The following NSMAF variants were observed in gnomAD, a reference collection of about 807,000 sequenced individuals.
NSMAF encodes the protein protein FAN.
Under a neutral mutation model 134.9 loss-of-function variants are expected in NSMAF, and 90 were observed. The ratio of observed to expected loss-of-function variants is 0.67; its 90% CI spans 0.56 to 0.79. The LOEUF (loss-of-function observed/expected upper bound fraction) is 0.79, where lower values mean the gene tolerates loss of function less well. Among genes scored for constraint, NSMAF ranks in the 30% least tolerant of loss-of-function variants. NSMAF has a pLI of 0.00. For synonymous variants in NSMAF, 358 were observed against 389.6 expected (o/e 0.92, Z 0.96); for missense variants, 1,010 against 1,119.0 (o/e 0.90, Z 1.39).
rs1409641022 is a variant in NSMAF at position 58,603,331 on chromosome 8, T to C, written c.924A>G (p.Gly308=). Residue 308 remains glycine, a synonymous_variant, in exon 13 of 31, where the codon GGA becomes GGG. Coordinates refer to ENST00000038176, the MANE Select transcript of NSMAF (RefSeq NM_003580.4). ...GGAGGTACTGATAGTTGGAAAGGTG[T>C]CCACGCTGCCACTGCAGCATGTAGC... ...AESYMLQWQR[G]HLSNYQYLLH... 6.2e-7 allele frequency: 1 copy of C among 1,614,150 alleles called. No homozygotes were observed.
chr8:58,611,417 G>T (rs537363214), intron 9 of NSMAF, among the ~76,000 whole-genome samples: 1 of 152,250 alleles, frequency 6.6e-6, no homozygotes, highest in East Asian at 1.9e-4. Context: ...GCATGTGCCT[G>T]TGGTCCCAGC....
chr8:58,637,406 G>A (rs1244856083), intron 2 of NSMAF: 2 of 456,136 alleles, frequency 4.4e-6, no homozygotes, highest in Admixed American at 4.7e-5. Context: ...AAAAGATAGA[G>A]GTAAGAAATA....
At chr8:58,631,106 T>C (rs144157766) in intron 6 of NSMAF, among the ~76,000 whole-genome samples, 90 of 152,378 alleles carry the variant, frequency 5.9e-4, no homozygotes, top group South Asian at 3.3e-3. Context: ...CAAATTATTA[T>C]TGAGTTCTCA....
chr8:58,592,098 A>G (rs1806034106), intron 23 of NSMAF, among the ~76,000 whole-genome samples: 1 of 152,198 alleles, frequency 6.6e-6, no homozygotes, highest in African/African-American at 2.4e-5. Context: ...GTATAATTAG[A>G]TCTGATAGTC....
intron 1 of NSMAF, chr8:58,659,314 G>T (rs1427113501): frequency 2.0e-6 from 3 of 1,526,684 alleles, no homozygotes; most frequent in Non-Finnish European, 2.6e-6. Context: ...GGCATGCCTC[G>T]GCTCCGCGGT....
In NSMAF at chr8:58,588,550, T is replaced by C. The variant is rs1805947097; in HGVS notation, c.2212-849A>G. 16 of 1,239,932 alleles carry C rather than the reference T, an allele frequency of 1.3e-5. 1 individual carries two copies. The South Asian group carries it at 1.8e-4, about 14-fold the overall frequency. 76.8% of individuals were successfully genotyped at this position (1,239,932 alleles called of 1,614,324 possible). ...GTGAATTGCACAACTCACACAGTAA[T>C]GTAGCTTCACATACAGCTTGGGAAG... On this transcript the variant is annotated intron_variant, in intron 26 of 30. Coordinates refer to ENST00000038176, the MANE Select transcript of NSMAF (RefSeq NM_003580.4).
Position 58,652,892 on chromosome 8 carries a change from G to T in NSMAF, c.59+6681C>A, listed in dbSNP as rs528524191. ...ACCCTGATCAGAGGAACTTCTAAAG[G>T]ATATTCTTCAGGAAAGAGAAAATAA... On this transcript the variant is annotated intron_variant, in intron 1 of 30. Coordinates refer to ENST00000038176, the MANE Select transcript of NSMAF (RefSeq NM_003580.4). Among the ~76,000 whole-genome samples the T allele has an allele frequency of 5.3e-5, 8 of 152,282 alleles. No homozygotes were observed. In the East Asian group the frequency reaches 1.5e-3, roughly 29 times the overall value.
chr8:58,659,741 C>G lies in NSMAF; in HGVS notation c.-110G>C. The G allele has an allele frequency of 1.2e-6, 1 of 862,950 alleles. No individual in the cohort carries two copies. Among genetic ancestry groups the G allele is most frequent in the Non-Finnish European group, 1.5e-6 (1 of 654,440 alleles). The allele number at this position is 862,950 out of a possible 1,614,324, so 53.5% of individuals were successfully genotyped here. On this transcript the variant is annotated 5_prime_UTR_variant, in exon 1 of 31. Coordinates refer to ENST00000038176, the MANE Select transcript of NSMAF (RefSeq NM_003580.4). ...GGGATTGGTGGCCGGCTGGGGAGCGCGCGGCTGCCGGCCTGGCTTCCCCTG... is the reference window on the plus strand; with the variant it reads ...GGGATTGGTGGCCGGCTGGGGAGCGGGCGGCTGCCGGCCTGGCTTCCCCTG...
rs1300966781 is a variant in NSMAF at position 58,635,480 on chromosome 8, C to T, written c.216G>A (p.Gln72=). The change falls in exon 3 of 31, where the codon CAG becomes CAA. Residue 72 remains glutamine, a synonymous_variant. Coordinates refer to ENST00000038176, the MANE Select transcript of NSMAF (RefSeq NM_003580.4). ...SVIFEPDSIS[Q]PIIKIPLRDC... ...AAAATGTATTTACCTTGATGATGGG[C>T]TGGGATATTGAATCTGGTTCAAAAA... 24 of 1,603,326 alleles carry T rather than the reference C, an allele frequency of 1.5e-5. No homozygotes were observed. The highest frequency in any genetic ancestry group is 1.9e-5 in the Non-Finnish European group (22 of 1,175,794).
chr8:58,633,355 A>C (rs946860996), intron 5 of NSMAF, among the ~76,000 whole-genome samples: 3 of 152,148 alleles, frequency 2.0e-5, no homozygotes, highest in African/African-American at 7.2e-5. Context: ...TGTTTGTGAT[A>C]ATTGCACAGC....
In NSMAF at chr8:58,601,560, A is replaced by AAAAG. The variant is rs57177969; in HGVS notation, c.1126-26_1126-25insCTTT. 2.3e-5 allele frequency: 36 copies of AAAAG among 1,575,230 alleles called. No homozygotes were observed. In the African/African-American group the frequency reaches 4.7e-4, roughly 21 times the overall value. ...TCTAGAATACAGAAAAAAAAAAAAA[A>AAAAG]TAGAGCTAAGTGTTGGCTATGAAAT... On this transcript the variant is annotated intron_variant, in intron 14 of 30. Transcript: ENST00000038176.
intron 21 of NSMAF, among the ~76,000 whole-genome samples, chr8:58,596,680 A>T (rs1227685658): frequency 6.6e-6 from 1 of 152,210 alleles, no homozygotes; most frequent in East Asian, 1.9e-4. Flanking sequence ...CTGTAATCCC[A>T]GCACTTTGGG....
rs16923600 is a variant in NSMAF at position 58,601,626 on chromosome 8, A to C, written c.1126-91T>G. 2,351 of 1,450,928 alleles carry C rather than the reference A, an allele frequency of 1.6e-3. 35 individuals carry two copies. The African/African-American group carries it at 0.029, about 18-fold the overall frequency. The allele number at this position is 1,450,928 out of a possible 1,614,324, so 89.9% of individuals were successfully genotyped here. ...GAAAAAGCCTAAAAGAAATCATAAC[A>C]TAGATATACCATATTCCTTAATTTC... is the stretch of plus-strand genomic sequence containing the variant. On this transcript the variant is annotated intron_variant, in intron 14 of 30. Coordinates refer to ENST00000038176, the MANE Select transcript of NSMAF (RefSeq NM_003580.4).
intron 1 of NSMAF, among the ~76,000 whole-genome samples, chr8:58,655,208 A>G (rs946639903): frequency 3.3e-5 from 5 of 151,964 alleles, no homozygotes; most frequent in African/African-American, 1.2e-4. Flanking sequence ...CTGAGTTCAA[A>G]CGATCTTTGT....
chr8:58,638,655 T>C (rs1807258770), intron 2 of NSMAF, among the ~76,000 whole-genome samples: 1 of 151,962 alleles, frequency 6.6e-6, no homozygotes, highest in East Asian at 1.9e-4. Flanking sequence ...TAAATGTAAG[T>C]CCTGAAATTG....
intron 6 of NSMAF, among the ~76,000 whole-genome samples, chr8:58,627,134 G>T (rs879224917): frequency 6.6e-6 from 1 of 152,168 alleles, no homozygotes; most frequent in Admixed American, 6.5e-5. Context: ...TGTGGTTTGC[G>T]AAAATTTTCT....
Position 58,597,576 on chromosome 8 carries a change from A to C in NSMAF, c.1629-26T>G, listed in dbSNP as rs1312739985. On this transcript the variant is annotated intron_variant, in intron 20 of 30. Coordinates refer to ENST00000038176, the MANE Select transcript of NSMAF (RefSeq NM_003580.4). ...CTTTGGGACAGAACACAAATAATGC[A>C]GTGAACCACTAGGTTCGAGTTCCTT... 4 of 1,610,852 alleles carry C rather than the reference A, an allele frequency of 2.5e-6. No homozygotes were observed. In the South Asian group the frequency reaches 4.4e-5, roughly 18 times the overall value.
rs374965294 is a variant in NSMAF, at chr8:58,597,593, G to A, written c.1629-43C>T. 572 of 1,584,620 alleles carry A rather than the reference G, an allele frequency of 3.6e-4. 2 individuals carry two copies. Among genetic ancestry groups the A allele is most frequent in the Non-Finnish European group, 4.7e-4 (547 of 1,156,334 alleles). ...AATAATGCAGTGAACCACTAGGTTC[G>A]AGTTCCTTGAAAGCACGCATTTCAA... is the stretch of plus-strand genomic sequence containing the variant. On this transcript the variant is annotated intron_variant, in intron 20 of 30. Coordinates refer to ENST00000038176, the MANE Select transcript of NSMAF (RefSeq NM_003580.4).
chr8:58,618,899 T>G (rs1377984621), intron 9 of NSMAF, among the ~76,000 whole-genome samples: 1 of 152,176 alleles, frequency 6.6e-6, no homozygotes, highest in Admixed American at 6.5e-5. Flanking sequence ...TAATATTTCA[T>G]TTCATATGGC....
Sources: allele counts gnomAD v4.1 joint callset (sites outside exome capture counted in the v4.1 genomes callset), GRCh38; gene constraint gnomAD v4.1.1; transcripts MANE v1.5; gene names NCBI Gene and HGNC (gene_info 2026-07-23, HGNC 2026-07-21).